Variants in SKIL observed in about 807,000 individuals in gnomAD.
The protein encoded by SKIL is ski-like protein.
In SKIL, 20 loss-of-function variants were observed where a neutral mutation model predicts 69.6. The observed-to-expected ratio is 0.29, with a 90% CI of 0.20 to 0.42. The LOEUF (loss-of-function observed/expected upper bound fraction) is 0.42, where lower values mean the gene tolerates loss of function less well. Ranked by LOEUF, SKIL falls within the 10% of genes least tolerant of loss-of-function variation. SKIL has a pLI of 1.00. For synonymous variants in SKIL, 310 were observed against 279.9 expected (o/e 1.11, Z -1.08); for missense variants, 745 against 783.1 (o/e 0.95, Z 0.58).
chr3:170,384,253 A>G (rs1046154204), intron 3 of SKIL, among the ~76,000 whole-genome samples: 1 of 152,112 alleles, frequency 6.6e-6, no homozygotes, highest in Non-Finnish European at 1.5e-5. Context: ...GCTTGAACCC[A>G]GGAGTTAGAG....
chr3:170,369,136 GC>G (rs1736677770), intron 2 of SKIL, among the ~76,000 whole-genome samples: 3 of 141,600 alleles, frequency 2.1e-5, no homozygotes, highest in African/African-American at 8.2e-5. Context: ...TGCAAATAGT[GC>G]CCCCTGTGGT....
At chr3:170,359,623 G>A (rs1736116436) in intron 1 of SKIL, 76 bp from the exon 2 acceptor site, 1 of 151,530 alleles carries the variant, frequency 6.6e-6, no homozygotes, top group African/African-American at 2.4e-5. Context: ...AAAAGAAACT[G>A]GTTTCAAATT....
chr3:170,368,798 G>GT (rs1309643962), intron 2 of SKIL, among the ~76,000 whole-genome samples: 10 of 152,062 alleles, frequency 6.6e-5, no homozygotes, highest in African/African-American at 1.7e-4. Flanking sequence ...GTGTGAAACA[G>GT]TTTTTTTATT....
intron 2 of SKIL, 27 bp from the exon 3 acceptor site, chr3:170,381,217 A>T (rs1395247103): frequency 8.1e-7 from 1 of 1,234,496 alleles, no homozygotes; most frequent in Admixed American, 1.7e-5. Flanking sequence ...ACTTCAATAA[A>T]TGTTTCCCTT....
intron 2 of SKIL, among the ~76,000 whole-genome samples, chr3:170,374,982 G>A (rs1235226060): frequency 6.6e-6 from 1 of 152,182 alleles, no homozygotes; most frequent in South Asian, 2.1e-4. Context: ...GAATTAATGA[G>A]CTGCACTGTC....
At chr3:170,386,917 A>T (rs1737659690) in intron 4 of SKIL, among the ~76,000 whole-genome samples, 1 of 152,236 alleles carries the variant, frequency 6.6e-6, no homozygotes, top group South Asian at 2.1e-4. Context: ...TAATTTATAT[A>T]CCATAAAATT....
Position 170,360,120 on chromosome 3 carries a change from A to C in SKIL, c.-212A>C, listed in dbSNP as rs1447053814. 8.8e-6 allele frequency: 4 copies of C among 455,954 alleles called. No homozygotes were observed. Among genetic ancestry groups the C allele is most frequent in the Non-Finnish European group, 1.5e-5 (4 of 259,500 alleles). The allele number at this position is 455,954 out of a possible 1,614,324, so 28.2% of individuals were successfully genotyped here. A position where few individuals can be genotyped will look rare whatever the true frequency, so the allele number is the denominator to read the frequency against. ...CTTTATTATTAGAGGCAAAACGAACAATTTTATAGGATTTGTAGTGAAATT... is the reference window on the plus strand; with the variant it reads ...CTTTATTATTAGAGGCAAAACGAACCATTTTATAGGATTTGTAGTGAAATT... On this transcript the variant is annotated 5_prime_UTR_variant, in exon 2 of 7. Coordinates refer to ENST00000259119, the MANE Select transcript of SKIL (RefSeq NM_005414.5).
At chr3:170,357,835 C>G (rs1653556583) in intron 1 of SKIL, 72 bp downstream of exon 1, 1 of 153,410 alleles carries the variant, frequency 6.5e-6, no homozygotes, top group Non-Finnish European at 1.5e-5. Context: ...CTCCTAGGAG[C>G]CCGACGGCGG....
intron 2 of SKIL, among the ~76,000 whole-genome samples, chr3:170,367,430 C>T (rs143364922): frequency 6.7e-6 from 1 of 148,406 alleles, no homozygotes; most frequent in African/African-American, 2.5e-5. Flanking sequence ...GGCTGACAGT[C>T]TCCACTTTAC....
intron 2 of SKIL, among the ~76,000 whole-genome samples, chr3:170,375,391 AACTT>A (rs1457119806): frequency 2.0e-5 from 3 of 152,194 alleles, no homozygotes; most frequent in East Asian, 1.9e-4. Context: ...GTAAAGATAA[AACTT>A]ACTCTTATAA....
Position 170,361,079 on chromosome 3 carries a change from A to G in SKIL, c.748A>G (p.Ser250Gly), listed in dbSNP as rs1736206050. 3.1e-6 allele frequency: 5 copies of G among 1,614,248 alleles called. No individual in the cohort carries two copies. Among genetic ancestry groups the G allele is most frequent in the Non-Finnish European group, 4.2e-6 (5 of 1,180,040 alleles). Residue 250 changes from serine (S) to glycine (G), a missense_variant, in exon 2 of 7, where the codon AGC becomes GGC. Transcript: ENST00000259119. ...PQNGSVLPAK[S>G]SLAQLKETGS... is the part of the protein sequence containing the mutation. ...AAATGGTAGCGTACTTCCTGCTAAA[A>G]GCTCATTGGCCCAGTTAAAGGAAAC...
intron 2 of SKIL, among the ~76,000 whole-genome samples, chr3:170,380,911 C>T (rs910609098): frequency 4.6e-5 from 7 of 152,010 alleles, no homozygotes; most frequent in Non-Finnish European, 7.4e-5. Context: ...CACTGCAAGC[C>T]TCAACTTCCT....
rs1477933859 is a variant in SKIL, at chr3:170,391,123, A to C, written c.1759A>C (p.Asn587His). Residue 587 changes from asparagine (N) to histidine (H), a missense_variant, in exon 6 of 7, where the codon AAT becomes CAT. Physicochemically the swap from Asn to His is moderately conservative, Grantham distance 68. Transcript: ENST00000259119. The part of the protein sequence containing the change: ...NLQKELESLQ[N>H]EHAQRMEEFY... ...ACAGAAAGAGCTTGAATCTTTGCAG[A>C]ATGAACATGCTCAAAGAATGGAAGA... is the stretch of plus-strand genomic sequence containing the variant. 9 of 1,610,212 alleles carry C rather than the reference A, an allele frequency of 5.6e-6. No homozygotes were observed. The South Asian group carries it at 9.9e-5, about 18-fold the overall frequency.
At chr3:170,373,226 G>T (rs891525639) in intron 2 of SKIL, among the ~76,000 whole-genome samples, 5 of 152,072 alleles carry the variant, frequency 3.3e-5, no homozygotes, top group Admixed American at 6.6e-5. Flanking sequence ...GAGTACAGTG[G>T]TGTGATCTCG....
intron 3 of SKIL, among the ~76,000 whole-genome samples, chr3:170,384,148 T>G (rs1466210441): frequency 6.6e-6 from 1 of 150,698 alleles, no homozygotes; most frequent in African/African-American, 2.4e-5. Context: ...AGCCCAGGAG[T>G]TCAAGACCAA....
rs1034469158 is a variant in SKIL, at chr3:170,379,336, C to T, written c.1099-1908C>T. Among the ~76,000 whole-genome samples the T allele has an allele frequency of 1.1e-4, 17 of 151,734 alleles. No individual in the cohort carries two copies. In the East Asian group the frequency reaches 3.3e-3, roughly 29 times the overall value. ...ATCCAGCTCTCTTTTTTGTTTTTTC[C>T]CTTGTTTAACTCGTTCCTAATCGCA... On this transcript the variant is annotated intron_variant, in intron 2 of 6. Transcript: ENST00000259119.
Position 170,357,735 on chromosome 3 carries a change from AGCGGCGACG to A in SKIL, c.-655_-647del, listed in dbSNP as rs1410465726. The A allele has an allele frequency of 1.2e-5, 2 of 160,558 alleles. No homozygotes were observed. Among genetic ancestry groups the A allele is most frequent in the Non-Finnish European group, 2.6e-5 (2 of 78,004 alleles). 9.9% of individuals were successfully genotyped at this position (160,558 alleles called of 1,614,324 possible). A position where few individuals can be genotyped will look rare whatever the true frequency, so the allele number is the denominator to read the frequency against. ...CCGGCACAGCCGAAGGGAGCGGGCG[AGCGGCGACG>A]GCGGCGGCGGCGGGCACAGGTGCGG... On this transcript the variant is annotated 5_prime_UTR_variant, in exon 1 of 7. Transcript: ENST00000259119.
chr3:170,367,109 G>GTTT (rs1736568030), intron 2 of SKIL, among the ~76,000 whole-genome samples: 1 of 152,032 alleles, frequency 6.6e-6, no homozygotes, highest in Non-Finnish European at 1.5e-5. Context: ...TTTTTTGTTT[G>GTTT]TTTGTTTGTT....
At chr3:170,391,654 C>G (rs1445786052) in intron 6 of SKIL, among the ~76,000 whole-genome samples, 1 of 152,092 alleles carries the variant, frequency 6.6e-6, no homozygotes, top group African/African-American at 2.4e-5. Context: ...TACTTTTTGT[C>G]AAGCTCAGTT....
Sources: gnomAD v4.1 joint callset for allele counts (sites outside exome capture counted in the v4.1 genomes callset) on GRCh38, gnomAD v4.1.1 for gene constraint, MANE v1.5 for transcripts, NCBI Gene and HGNC (gene_info 2026-07-23, HGNC 2026-07-21) for gene names.